The following ZFAT variants were observed in gnomAD, a reference collection of about 807,000 sequenced individuals.
ZFAT encodes the protein zinc finger and AT-hook domain containing, also known as zinc finger protein ZFAT.
ZFAT carries 64 observed loss-of-function variants against 117.7 expected under a neutral mutation model. That is an observed-to-expected ratio of 0.54 (90% CI 0.44 to 0.67). The LOEUF is 0.67. Among genes scored for constraint, ZFAT ranks in the 30% least tolerant of loss-of-function variants. The pLI, the probability that ZFAT is intolerant of heterozygous loss-of-function variation, is 0.00. For synonymous variants in ZFAT, 679 were observed against 615.0 expected, an observed-to-expected ratio of 1.10 and a Z score of -1.54; for missense variants, 1,433 against 1,584.5, an observed-to-expected ratio of 0.90 and a Z score of 1.62.
intron 3 of ZFAT, among the ~76,000 whole-genome samples, chr8:134,619,423 C>T (rs1828962002): frequency 6.6e-6 from 1 of 152,094 alleles, no homozygotes; most frequent in Non-Finnish European, 1.5e-5. Flanking sequence ...TGGTCTAGTG[C>T]CCTAAGCTCT....
the ZFAT span, among the ~76,000 whole-genome samples, chr8:134,737,829 A>G: frequency 2.0e-5 from 3 of 152,212 alleles, no homozygotes; most frequent in East Asian, 3.8e-4. Context: ...CTCCTATCCA[A>G]GTCATTGTCT....
At chr8:134,762,140 T>C in the ZFAT span, among the ~76,000 whole-genome samples, 3 of 152,110 alleles carry the variant, frequency 2.0e-5, no homozygotes, top group South Asian at 2.1e-4. Flanking sequence ...AAGTCCAACA[T>C]CAAGTAGGTT....
chr8:134,808,865 ATGT>A, the ZFAT span, among the ~76,000 whole-genome samples: 1 of 152,342 alleles, frequency 6.6e-6, no homozygotes, highest in African/African-American at 2.4e-5. Context: ...TCCATTTCAG[ATGT>A]TGTGACTATA....
intron 1 of ZFAT, among the ~76,000 whole-genome samples, chr8:134,678,909 C>T (rs1161028286): frequency 2.0e-5 from 3 of 152,158 alleles, no homozygotes; most frequent in Non-Finnish European, 4.4e-5. Flanking sequence ...AAACTGGATC[C>T]CTTCCTTACA....
At chr8:134,813,569 C>T in the ZFAT span, among the ~76,000 whole-genome samples, 2 of 152,132 alleles carry the variant, frequency 1.3e-5, no homozygotes, top group African/African-American at 2.4e-5. Flanking sequence ...TGGGCCACCA[C>T]GCCCAGCTAA....
Position 134,712,869 on chromosome 8 carries a change from C to A in ZFAT, c.-6G>T. On this transcript the variant is annotated 5_prime_UTR_variant, in exon 1 of 16. Coordinates refer to ENST00000377838, the MANE Select transcript of ZFAT (RefSeq NM_020863.4). Reference sequence around the variant, plus strand: ...CCTGCCGCCCGCGTCTCCATGGCAACGCCCCACCGCGGAGGAAAAAAAAGC... The same window carrying A: ...CCTGCCGCCCGCGTCTCCATGGCAAAGCCCCACCGCGGAGGAAAAAAAAGC... 6.7e-7 allele frequency: 1 copy of A among 1,492,346 alleles called. No individual in the cohort carries two copies. The highest frequency in any genetic ancestry group is 8.9e-7 in the Non-Finnish European group (1 of 1,120,368). 92.4% of individuals were successfully genotyped at this position (1,492,346 alleles called of 1,614,324 possible). A position where few individuals can be genotyped will look rare whatever the true frequency, so the allele number is the denominator to read the frequency against.
intron 11 of ZFAT, 130 bp downstream of exon 11, chr8:134,565,203 T>C (rs1824349258): frequency 1.9e-6 from 3 of 1,543,156 alleles, no homozygotes. Flanking sequence ...ACTCCACGTG[T>C]ACCAGCTAAG....
chr8:134,695,743 C>A (rs575273164), intron 1 of ZFAT, among the ~76,000 whole-genome samples: 80 of 149,018 alleles, frequency 5.4e-4, no homozygotes, highest in Non-Finnish European at 8.5e-4. Context: ...TTGCCCGCAT[C>A]TCTAACCAAG....
chr8:134,535,839 A>G (rs1821796555), intron 11 of ZFAT, among the ~76,000 whole-genome samples: 1 of 152,194 alleles, frequency 6.6e-6, no homozygotes, highest in South Asian at 2.1e-4. Flanking sequence ...TCATCTCTAA[A>G]TAAGCAAATA....
chr8:134,521,668 A>C (rs1820669738), intron 12 of ZFAT, among the ~76,000 whole-genome samples: 1 of 152,188 alleles, frequency 6.6e-6, no homozygotes, highest in South Asian at 2.1e-4. Flanking sequence ...CACACAAAAG[A>C]ATATCTTTCT....
At chr8:134,677,290 C>T (rs1832851597) in intron 1 of ZFAT, among the ~76,000 whole-genome samples, 1 of 152,154 alleles carries the variant, frequency 6.6e-6, no homozygotes, top group South Asian at 2.1e-4. Flanking sequence ...GAAATACAAA[C>T]TACCATCAGA....
the ZFAT span, among the ~76,000 whole-genome samples, chr8:134,733,356 T>G: frequency 6.6e-6 from 1 of 152,298 alleles, no homozygotes; most frequent in East Asian, 1.9e-4. Flanking sequence ...GCTTTTGGGG[T>G]CATTGGAGTT....
the ZFAT span, among the ~76,000 whole-genome samples, chr8:134,743,033 T>C: frequency 6.6e-6 from 1 of 152,210 alleles, no homozygotes; most frequent in Non-Finnish European, 1.5e-5. Flanking sequence ...TCACCCCAGT[T>C]GACAGGTGTG....
chr8:134,516,835 G>C (rs1214855964), intron 13 of ZFAT, among the ~76,000 whole-genome samples: 1 of 143,316 alleles, frequency 7.0e-6, no homozygotes, highest in African/African-American at 2.4e-5. Context: ...ATGCCGGCCT[G>C]GGTAGCCAGA....
At chr8:134,652,703 T>C (rs940818016) in intron 2 of ZFAT, among the ~76,000 whole-genome samples, 1 of 152,142 alleles carries the variant, frequency 6.6e-6, no homozygotes, top group Non-Finnish European at 1.5e-5. Flanking sequence ...ACCAGCAAAA[T>C]GCAAATTAAA....
intron 13 of ZFAT, 31 bp from the exon 14 acceptor site, chr8:134,512,632 C>T (rs755912804): frequency 3.8e-6 from 6 of 1,597,036 alleles, no homozygotes; most frequent in Non-Finnish European, 5.1e-6. Flanking sequence ...TAAGTCATCT[C>T]CTAAAAGATT....
chr8:134,604,959 C>T (rs1464467770), intron 5 of ZFAT, among the ~76,000 whole-genome samples: 1 of 152,138 alleles, frequency 6.6e-6, no homozygotes, highest in Non-Finnish European at 1.5e-5. Context: ...ATAAATAAAT[C>T]AAGACTTTGC....
chr8:134,759,530 G>C, the ZFAT span, among the ~76,000 whole-genome samples: 1 of 152,078 alleles, frequency 6.6e-6, no homozygotes, highest in Non-Finnish European at 1.5e-5. Context: ...TTTGGTGGAG[G>C]GAGGATGGTG....
At chr8:134,792,745 T>C in the ZFAT span, 5 of 152,322 alleles carry the variant, frequency 3.3e-5, no homozygotes, top group South Asian at 6.2e-4. Flanking sequence ...TATAGCTTGA[T>C]CACTGTCATA....
Sources: allele counts gnomAD v4.1 joint callset (sites outside exome capture counted in the v4.1 genomes callset), GRCh38; gene constraint gnomAD v4.1.1; transcripts MANE v1.5; gene names NCBI Gene and HGNC (gene_info 2026-07-23, HGNC 2026-07-21).